USP7: variants seen among roughly 807,000 people sequenced by gnomAD.
USP7 encodes ubiquitin specific peptidase 7.
USP7 carries 9 observed loss-of-function variants against 162.9 expected under a neutral mutation model. The observed-to-expected ratio is 0.06, with a 90% confidence interval of 0.03 to 0.10. USP7 has a LOEUF of 0.10. Among genes scored for constraint, USP7 ranks in the 10% least tolerant of loss-of-function variants. The probability of loss-of-function intolerance (pLI) is 1.00; values close to 1 mark genes in which losing one functional copy is unlikely to be tolerated. For synonymous variants in USP7, 562 were observed against 475.9 expected (o/e 1.18, Z -2.35); for missense variants, 715 against 1,373.7 (o/e 0.52, Z 7.58).
In USP7 at chr16:8,921,274, T is replaced by C. The variant is rs1375896938; in HGVS notation, c.405A>G (p.Gln135=). 1.2e-6 allele frequency: 2 copies of C among 1,614,020 alleles called. No individual in the cohort carries two copies. Among genetic ancestry groups the C allele is most frequent in the Admixed American group, 1.7e-5 (1 of 60,010 alleles). ...TGTAATTTATTATCTTCAGCACTGCTTGTGCATGGCAAGACCATGACCTGT... is the reference window on the plus strand; with the variant it reads ...TGTAATTTATTATCTTCAGCACTGCCTGTGCATGGCAAGACCATGACCTGT... ...SDSTSWSCHA[Q]AVLKIINYRD... Residue 135 remains glutamine (Q), a synonymous_variant, in exon 4 of 31, where the codon CAA becomes CAG. Transcript: ENST00000344836.
chr16:8,921,596 G>C (rs980659406), intron 3 of USP7, among the ~76,000 whole-genome samples: 6 of 152,050 alleles, frequency 3.9e-5, no homozygotes, highest in African/African-American at 1.2e-4. Flanking sequence ...TTCTACTGCC[G>C]ATATAGGGGT....
intron 1 of USP7, 61 bp downstream of exon 1, chr16:8,963,146 C>T: frequency 7.5e-7 from 1 of 1,327,148 alleles, no homozygotes; most frequent in South Asian, 1.5e-5. Context: ...GCTCCCGCGG[C>T]TCCCCCGGCC....
rs540031411 is a variant in USP7 at position 8,961,142 on chromosome 16, G to A, written c.79+2065C>T. Among the ~76,000 whole-genome samples, 9 of 152,202 alleles carry A rather than the reference G, an allele frequency of 5.9e-5. No individual in the cohort carries two copies. In the South Asian group the frequency reaches 1.9e-3, roughly 32 times the overall value. On this transcript the variant is annotated intron_variant, in intron 1 of 30. Transcript: ENST00000344836. ...TTTTATGAGAAAAGAAAGTAGCCTT[G>A]AAAACGTGCATGGAGACTGATGAAT...
At chr16:8,898,143 G>A (rs1274253395) in intron 25 of USP7, among the ~76,000 whole-genome samples, 8 of 152,130 alleles carry the variant, frequency 5.3e-5, no homozygotes, top group South Asian at 2.1e-4. Flanking sequence ...GTTGGCTGCC[G>A]AATGGTTCCT....
At position 8,902,159 on chromosome 16, in the gene USP7, G is replaced by A; in HGVS notation, c.1970C>T (p.Pro657Leu). 6.2e-7 allele frequency: 1 copy of A among 1,614,188 alleles called. No individual in the cohort carries two copies. Among genetic ancestry groups the A allele is most frequent in the Non-Finnish European group, 8.5e-7 (1 of 1,180,044 alleles). ...AACTGTTTCCAGGAATATTGTCCAA[G>A]GGTTTTCATTATCACTGAGCTCAAT... ...TMIELSDNEN[P>L]WTIFLETVDP... The change falls in exon 18 of 31, where the codon CCT becomes CTT. Residue 657 changes from proline (P) to leucine (L), a missense_variant. This residue lies in a region of USP7 where 197 missense variants were observed against 306.5 expected (regional missense o/e 0.64). Coordinates refer to ENST00000344836, the MANE Select transcript of USP7 (RefSeq NM_003470.3).
In USP7 at chr16:8,905,180, T is replaced by C; in HGVS notation, c.1573+7A>G. ...TAAAGAACAGAACAAAAGTGAACACTACTCACTCAGTTTTGATTCCCTGAT... is the reference window on the plus strand; with the variant it reads ...TAAAGAACAGAACAAAAGTGAACACCACTCACTCAGTTTTGATTCCCTGAT... On this transcript the variant is annotated splice_region_variant and intron_variant, in intron 14 of 30. Transcript: ENST00000344836. The C allele has an allele frequency of 1.2e-6, 2 of 1,613,566 alleles. No individual in the cohort carries two copies. Among genetic ancestry groups the C allele is most frequent in the Non-Finnish European group, 1.7e-6 (2 of 1,179,492 alleles).
intron 1 of USP7, among the ~76,000 whole-genome samples, chr16:8,948,297 C>T (rs773226588): frequency 2.0e-5 from 3 of 152,230 alleles, no homozygotes; most frequent in Non-Finnish European, 4.4e-5. Flanking sequence ...ATCCTCCCAC[C>T]TCAGCCTCCA....
intron 1 of USP7, among the ~76,000 whole-genome samples, chr16:8,956,014 C>T (rs764157081): frequency 2.5e-4 from 38 of 152,170 alleles, no homozygotes; most frequent in Admixed American, 5.2e-4. Flanking sequence ...GACCATGTTC[C>T]GCAATACAAG....
intron 3 of USP7, 139 bp from the exon 4 acceptor site, chr16:8,921,434 G>A: frequency 1.0e-6 from 1 of 958,424 alleles, no homozygotes; most frequent in Non-Finnish European, 1.5e-6. Flanking sequence ...GTTAAAGGTA[G>A]GATGGAGGCA....
chr16:8,923,585 T>C (rs947476057), intron 2 of USP7, among the ~76,000 whole-genome samples, 172 bp from the exon 3 acceptor site: 2 of 152,184 alleles, frequency 1.3e-5, no homozygotes, highest in African/African-American at 4.8e-5. Context: ...TAACATACAG[T>C]TTCTGAATGG....
intron 25 of USP7, 68 bp downstream of exon 25, chr16:8,898,292 T>C (rs2141166521): frequency 1.5e-6 from 2 of 1,292,512 alleles, no homozygotes; most frequent in African/African-American, 3.0e-5. Context: ...TTTCAATGTC[T>C]GGGGACAGGT....
intron 28 of USP7, 31 bp downstream of exon 28, chr16:8,895,000 G>A (rs771610275): frequency 6.8e-6 from 11 of 1,614,022 alleles, no homozygotes; most frequent in South Asian, 4.4e-5. Flanking sequence ...AGGTTTTGAC[G>A]TGAGCCACTC....
At chr16:8,907,868 TACAA>T (rs1332363740) in intron 12 of USP7, among the ~76,000 whole-genome samples, 11 of 152,204 alleles carry the variant, frequency 7.2e-5, no homozygotes, top group Non-Finnish European at 8.8e-5. Flanking sequence ...GTAACTGGCA[TACAA>T]ACAACTACTT....
chr16:8,921,104 G>C, intron 4 of USP7, 53 bp downstream of exon 4: 1 of 1,557,688 alleles, frequency 6.4e-7, no homozygotes, highest in Non-Finnish European at 8.7e-7. Context: ...AAAGTTAAGG[G>C]AACAACAAGC....
intron 1 of USP7, among the ~76,000 whole-genome samples, chr16:8,946,613 C>A (rs1335343603): frequency 1.3e-5 from 2 of 152,166 alleles, no homozygotes; most frequent in African/African-American, 4.8e-5. Flanking sequence ...ACTAAAAAGT[C>A]AGAATAGCTG....
At chr16:8,961,338 C>G (rs1231850507) in intron 1 of USP7, among the ~76,000 whole-genome samples, 2 of 151,924 alleles carry the variant, frequency 1.3e-5, no homozygotes, top group African/African-American at 2.4e-5. Context: ...AACAAAAATA[C>G]AAAAGTAGCC....
At chr16:8,910,139 A>C (rs1007355575) in intron 11 of USP7, among the ~76,000 whole-genome samples, 5 of 152,148 alleles carry the variant, frequency 3.3e-5, no homozygotes, top group Admixed American at 6.5e-5. Context: ...TAAGATTACA[A>C]AACAGACCCT....
intron 1 of USP7, among the ~76,000 whole-genome samples, chr16:8,936,190 C>A (rs1049054006): frequency 6.6e-6 from 1 of 152,182 alleles, no homozygotes; most frequent in African/African-American, 2.4e-5. Context: ...CCCCCCAGAT[C>A]CTTCCACTAG....
chr16:8,950,225 G>T (rs1180235334), intron 1 of USP7, among the ~76,000 whole-genome samples: 3 of 152,050 alleles, frequency 2.0e-5, no homozygotes, highest in Admixed American at 6.6e-5. Context: ...AGTGGACAGC[G>T]AAGGTCTAGA....
Sources: gnomAD v4.1 joint callset for allele counts (sites outside exome capture counted in the v4.1 genomes callset) on GRCh38, gnomAD v4.1.1 for gene constraint, gnomAD v4.1.1 regional missense constraint, MANE v1.5 for transcripts, NCBI Gene and HGNC (gene_info 2026-07-23, HGNC 2026-07-21) for gene names.